The following PCDHGB3 variants were observed in gnomAD, a reference collection of about 807,000 sequenced individuals.
PCDHGB3 encodes protocadherin gamma subfamily B, 3, also known as protocadherin gamma-B3.
In PCDHGB3, 40 loss-of-function variants were observed where a neutral mutation model predicts 59.2. The ratio of observed to expected loss-of-function variants is 0.68; its 90% CI spans 0.52 to 0.88. PCDHGB3 has a LOEUF of 0.88. Ranked by LOEUF, PCDHGB3 falls within the 40% of genes least tolerant of loss-of-function variation. The pLI is 0.00. For missense variants in PCDHGB3, 1,309 were observed against 1,187.9 expected, an observed-to-expected ratio of 1.10 and a Z score of -1.50; for synonymous variants, 581 against 503.6, an observed-to-expected ratio of 1.15 and a Z score of -2.06.
intron 1 of PCDHGB3, among the ~76,000 whole-genome samples, chr5:141,443,781 C>CA (rs1227271563): frequency 8.6e-5 from 13 of 150,636 alleles, no homozygotes; most frequent in South Asian, 2.1e-4. Flanking sequence ...ACCAAAAAGA[C>CA]AAAAAAAATG....
chr5:141,403,434 A>G, intron 1 of PCDHGB3: 1 of 1,614,024 alleles, frequency 6.2e-7, no homozygotes, highest in Non-Finnish European at 8.5e-7. Flanking sequence ...ATTGATCCGG[A>G]TGTTGGCGTG....
intron 1 of PCDHGB3, chr5:141,423,443 C>A: frequency 6.2e-7 from 1 of 1,613,998 alleles, no homozygotes; most frequent in Non-Finnish European, 8.5e-7. Flanking sequence ...ATGCCCACGT[C>A]ACATTTTGTA....
intron 1 of PCDHGB3, chr5:141,397,910 C>G (rs1016162515): frequency 1.3e-5 from 9 of 680,688 alleles, no homozygotes; most frequent in Non-Finnish European, 2.2e-5. Flanking sequence ...GCTTGGCGCT[C>G]CAGATCTCCT....
At position 141,491,687 on chromosome 5, in the gene PCDHGB3, G is replaced by T. The variant is rs946829558; in HGVS notation, c.2416-3120G>T. 6.2e-7 allele frequency: 1 copy of T among 1,613,072 alleles called. No individual in the cohort carries two copies. Among genetic ancestry groups the T allele is most frequent in the African/African-American group, 1.3e-5 (1 of 75,046 alleles). On this transcript the variant is annotated intron_variant, in intron 1 of 3. Transcript: ENST00000576222. This position sits in a 1 kb window ranked among gnomAD's most constrained non-coding sequence, Gnocchi z 6.9. ...ATCCGGTCCCGCTCTAATACGCTGC[G>T]GGAGCGGAGCCAGGTGAGGGGCTCG...
intron 1 of PCDHGB3, among the ~76,000 whole-genome samples, chr5:141,447,023 GT>G (rs5871773): frequency 0.034 from 5,146 of 151,536 alleles, 101 homozygotes; most frequent in Middle Eastern, 0.088. Flanking sequence ...GTTTTGTTTT[GT>G]TTTTTTTCTG....
At chr5:141,416,530 G>A (rs976560428) in intron 1 of PCDHGB3, 2 of 152,160 alleles carry the variant, frequency 1.3e-5, no homozygotes, top group Non-Finnish European at 2.9e-5. Flanking sequence ...GCTCTTTAAT[G>A]TATAAGGAGG....
intron 2 of PCDHGB3, among the ~76,000 whole-genome samples, chr5:141,496,189 G>T (rs1362938002): frequency 1.3e-5 from 2 of 152,004 alleles, no homozygotes; most frequent in African/African-American, 4.8e-5. Context: ...AGCCCCAGCT[G>T]CTCATTTCAA....
rs989554651 is a variant in PCDHGB3 at position 141,372,743 on chromosome 5, T to C, written c.2349T>C (p.Asp783=). 8 of 1,613,498 alleles carry C rather than the reference T, an allele frequency of 5.0e-6. No homozygotes were observed. In the Admixed American group the frequency reaches 5.0e-5, roughly 10 times the overall value. Residue 783 remains aspartate (D), a synonymous_variant, in exon 1 of 4, where the codon GAT becomes GAC. Transcript: ENST00000576222. ...CTGCACCACAAGATCTTCTATGTGA[T>C]GAAGCCTCTTGGTTTGAAAGTAATG... ...ENAAPQDLLC[D]EASWFESNDN... is the part of the protein sequence containing the mutation.
chr5:141,409,259 T>C lies in PCDHGB3; in HGVS notation c.2415+36450T>C, dbSNP rs370130162. ...CCCAGAAATAATCATCACTTCTCTC[T>C]CTGATCAGATTTTGGAGAATTCACC... is the stretch of plus-strand genomic sequence containing the variant. On this transcript the variant is annotated intron_variant, in intron 1 of 3. Coordinates refer to ENST00000576222, the MANE Select transcript of PCDHGB3 (RefSeq NM_018924.5). The C allele has an allele frequency of 1.9e-6, 3 of 1,614,012 alleles. No individual in the cohort carries two copies. Among genetic ancestry groups the C allele is most frequent in the South Asian group, 2.2e-5 (2 of 91,082 alleles).
Position 141,431,628 on chromosome 5 carries a change from A to T in PCDHGB3, c.2415+58819A>T, listed in dbSNP as rs1204083567. The T allele has an allele frequency of 6.2e-7, 1 of 1,614,138 alleles. No individual in the cohort carries two copies. Among genetic ancestry groups the T allele is most frequent in the Non-Finnish European group, 8.5e-7 (1 of 1,180,058 alleles). ...CGGTATGTGGACGACAAGGCGGCCC[A>T]AGTTTTCAAACTAGATTGTAATTCA... On this transcript the variant is annotated intron_variant, in intron 1 of 3. Coordinates refer to ENST00000576222, the MANE Select transcript of PCDHGB3 (RefSeq NM_018924.5). The surrounding 1 kb of genome is among the most constrained non-coding windows in gnomAD (Gnocchi z 4.8).
chr5:141,415,967 C>A, intron 1 of PCDHGB3: 1 of 389,100 alleles, frequency 2.6e-6, no homozygotes, highest in Non-Finnish European at 4.2e-6. Context: ...AACTCCAGCC[C>A]CTTAAGCAAC....
intron 1 of PCDHGB3, chr5:141,396,285 A>G (rs996354546): frequency 1.3e-5 from 2 of 152,164 alleles, no homozygotes; most frequent in African/African-American, 4.8e-5. Context: ...ATGCCACTGC[A>G]CTCCAGCCTA....
chr5:141,492,579 G>T (rs547852117), intron 1 of PCDHGB3, among the ~76,000 whole-genome samples: 2 of 152,356 alleles, frequency 1.3e-5, no homozygotes, highest in East Asian at 1.9e-4. Context: ...GAGGCGCGGG[G>T]CCAGGAGCGC....
At chr5:141,387,320 A>C (rs1461293740) in intron 1 of PCDHGB3, among the ~76,000 whole-genome samples, 1 of 152,234 alleles carries the variant, frequency 6.6e-6, no homozygotes, top group East Asian at 1.9e-4. Flanking sequence ...ATGAGTAAGT[A>C]TGGAAAATTA....
chr5:141,489,300 C>G lies in PCDHGB3; in HGVS notation c.2416-5507C>G. The G allele has an allele frequency of 6.3e-7, 1 of 1,585,700 alleles. No individual in the cohort carries two copies. The highest frequency in any genetic ancestry group is 1.2e-5 in the South Asian group (1 of 85,012). Reference sequence around the variant, plus strand: ...AATGGCAAGTGCTGTGCATGTTGTCCTTGTGCTGCTGGGGCTGGGTGTCTG... The same window carrying G: ...AATGGCAAGTGCTGTGCATGTTGTCGTTGTGCTGCTGGGGCTGGGTGTCTG... On this transcript the variant is annotated intron_variant, in intron 1 of 3. Coordinates refer to ENST00000576222, the MANE Select transcript of PCDHGB3 (RefSeq NM_018924.5). This position sits in a 1 kb window ranked among gnomAD's most constrained non-coding sequence, Gnocchi z 4.5.
intron 1 of PCDHGB3, among the ~76,000 whole-genome samples, chr5:141,472,991 AAAAAAAGAAAGAAAAAG>A (rs2099310051): frequency 6.6e-6 from 1 of 151,894 alleles, no homozygotes; most frequent in Admixed American, 6.6e-5. Flanking sequence ...AAAAAAAAAA[AAAAAAAGAAAGAAAAAG>A]AAAAAGAAAG....
intron 1 of PCDHGB3, chr5:141,374,825 C>A (rs11575953): frequency 0.017 from 27,610 of 1,613,884 alleles, 291 homozygotes; most frequent in African/African-American, 0.03. Context: ...GCCTGTCTAC[C>A]GTGTAAGTGT....
intron 1 of PCDHGB3, among the ~76,000 whole-genome samples, chr5:141,445,738 T>G (rs553879167): frequency 9.9e-5 from 15 of 152,122 alleles, no homozygotes; most frequent in Non-Finnish European, 1.9e-4. Context: ...AAAGATCTTT[T>G]TAAAAAATAA....
intron 1 of PCDHGB3, chr5:141,385,668 C>G (rs2090319612): frequency 2.3e-6 from 1 of 428,688 alleles, no homozygotes; most frequent in African/African-American, 2.1e-5. Flanking sequence ...AGGAATAAAA[C>G]ACACCTCAGC....
Sources: gnomAD v4.1 joint callset for allele counts (sites outside exome capture counted in the v4.1 genomes callset) on GRCh38, gnomAD v4.1.1 for gene constraint, Gnocchi (gnomAD v3.1) non-coding constraint, MANE v1.5 for transcripts, NCBI Gene and HGNC (gene_info 2026-07-23, HGNC 2026-07-21) for gene names.